PBX1: variants seen among roughly 807,000 people sequenced by gnomAD.
PBX1 encodes pre-B-cell leukemia transcription factor 1.
Under a neutral mutation model 53.4 loss-of-function variants are expected in PBX1, and 6 were observed. That is an observed-to-expected ratio of 0.11 (90% CI 0.06 to 0.22). The LOEUF is 0.22. Ranked by LOEUF, PBX1 falls within the 10% of genes least tolerant of loss-of-function variation. PBX1 has a pLI of 1.00. For missense variants in PBX1, 251 were observed against 551.4 expected (o/e 0.46, Z 5.46); for synonymous variants, 204 against 212.3 (o/e 0.96, Z 0.34).
In PBX1 at chr1:164,846,645, C is replaced by G; in HGVS notation, c.1262C>G (p.Pro421Arg). 6.2e-7 allele frequency: 1 copy of G among 1,614,108 alleles called. No homozygotes were observed. Among genetic ancestry groups the G allele is most frequent in the Non-Finnish European group, 8.5e-7 (1 of 1,179,990 alleles). ...TCAGTGACCTCCCCTACAGAAGGCC[C>G]TGGCAGTGTTCACTCTGATACCTCC... is the stretch of plus-strand genomic sequence containing the variant. ...PSSVTSPTEG[P>R]GSVHSDTSN Residue 421 changes from proline (P) to arginine (R), a missense_variant, in exon 9 of 9, where the codon CCT (proline) becomes CGT (arginine). Coordinates refer to ENST00000420696, the MANE Select transcript of PBX1 (RefSeq NM_002585.4).
chr1:164,619,366 A>G lies in PBX1; in HGVS notation c.265+56055A>G, dbSNP rs549407556. On this transcript the variant is annotated intron_variant, in intron 2 of 8. Coordinates refer to ENST00000420696, the MANE Select transcript of PBX1 (RefSeq NM_002585.4). Reference sequence around the variant, plus strand: ...GACCATTAAGTGAAGGCTAATTGGAATCTGCCCCAAACTGCACTTTGTTGG... The same window carrying G: ...GACCATTAAGTGAAGGCTAATTGGAGTCTGCCCCAAACTGCACTTTGTTGG... 2.6e-5 allele frequency among the ~76,000 whole-genome samples: 4 copies of G among 152,246 alleles called. No individual in the cohort carries two copies. In the South Asian group the frequency reaches 6.2e-4, roughly 24 times the overall value.
intron 2 of PBX1, among the ~76,000 whole-genome samples, chr1:164,603,664 C>T (rs1184738368): frequency 1.3e-5 from 2 of 152,046 alleles, no homozygotes; most frequent in African/African-American, 4.8e-5. Flanking sequence ...GTGTGATTAC[C>T]TTTACCAAAC....
chr1:164,599,071 ATTT>A (rs375145672), intron 2 of PBX1, among the ~76,000 whole-genome samples: 4,491 of 118,826 alleles, frequency 0.038, 89 homozygotes, highest in South Asian at 0.055. Context: ...TTTCCTCCTG[ATTT>A]TTTTTTTTTT....
At chr1:164,716,303 A>G (rs910330253) in intron 2 of PBX1, among the ~76,000 whole-genome samples, 3 of 152,130 alleles carry the variant, frequency 2.0e-5, no homozygotes, top group Non-Finnish European at 4.4e-5. Context: ...TTAAGACTCT[A>G]GTGAGTTAAA....
intron 2 of PBX1, among the ~76,000 whole-genome samples, chr1:164,571,041 C>T (rs924478020): frequency 2.0e-5 from 3 of 152,206 alleles, no homozygotes; most frequent in Admixed American, 2.0e-4. Context: ...CCTTCACCCA[C>T]TGTTTGATAG....
intron 2 of PBX1, among the ~76,000 whole-genome samples, chr1:164,638,997 G>A (rs1173612076): frequency 6.6e-6 from 1 of 152,202 alleles, no homozygotes; most frequent in Admixed American, 6.5e-5. Flanking sequence ...GAGTTGAATA[G>A]TAGCCAGAGT....
intron 2 of PBX1, among the ~76,000 whole-genome samples, chr1:164,742,691 C>T (rs943451347): frequency 9.2e-5 from 14 of 152,244 alleles, no homozygotes; most frequent in African/African-American, 3.4e-4. Flanking sequence ...TAAAAACAGT[C>T]CATTTTTAGA....
chr1:164,758,307 A>G (rs1666631985), intron 2 of PBX1, among the ~76,000 whole-genome samples: 1 of 152,196 alleles, frequency 6.6e-6, no homozygotes, highest in Admixed American at 6.5e-5. Context: ...GCTTAAATAT[A>G]TCAGTGCATG....
At chr1:164,588,313 G>A (rs746618087) in intron 2 of PBX1, among the ~76,000 whole-genome samples, 17 of 152,002 alleles carry the variant, frequency 1.1e-4, no homozygotes, top group Admixed American at 2.0e-4. Flanking sequence ...ACTGGCTTTT[G>A]CTGTGACTTC....
chr1:164,580,439 C>T (rs764926135), intron 2 of PBX1, among the ~76,000 whole-genome samples: 13 of 149,652 alleles, frequency 8.7e-5, no homozygotes, highest in East Asian at 2.0e-4. Context: ...CCACCATGCC[C>T]GGCTAATTTT....
chr1:164,806,980 T>C (rs1240467884), intron 4 of PBX1, among the ~76,000 whole-genome samples: 1 of 152,156 alleles, frequency 6.6e-6, no homozygotes, highest in Non-Finnish European at 1.5e-5. Context: ...AAGATGGGGC[T>C]GGGCGCGGTG....
chr1:164,649,828 C>A (rs977056652), intron 2 of PBX1, among the ~76,000 whole-genome samples: 9 of 152,158 alleles, frequency 5.9e-5, no homozygotes, highest in African/African-American at 2.2e-4. Context: ...CTTATGAATT[C>A]CTCTTAATGC....
chr1:164,740,601 C>G (rs373085136), intron 2 of PBX1, among the ~76,000 whole-genome samples: 1 of 152,148 alleles, frequency 6.6e-6, no homozygotes, highest in Non-Finnish European at 1.5e-5. Context: ...AGTATATTTA[C>G]TGAATACCTG....
chr1:164,882,225 C>A (rs1672677034), intron 2 of PBX1, among the ~76,000 whole-genome samples: 1 of 152,004 alleles, frequency 6.6e-6, no homozygotes, highest in Non-Finnish European at 1.5e-5. Context: ...AGGCCTCTAA[C>A]TCTATGCTGC....
intron 2 of PBX1, among the ~76,000 whole-genome samples, chr1:164,690,398 C>T (rs1473084919): frequency 1.3e-5 from 2 of 152,198 alleles, no homozygotes; most frequent in Non-Finnish European, 2.9e-5. Context: ...TGAAAAGGGG[C>T]TGGAAAGGTC....
chr1:164,700,163 G>T (rs1333849937), intron 2 of PBX1, among the ~76,000 whole-genome samples: 1 of 152,148 alleles, frequency 6.6e-6, no homozygotes, highest in Non-Finnish European at 1.5e-5. Flanking sequence ...AGGGCTTTTC[G>T]CTGGGTCCCT....
chr1:164,701,613 C>G (rs1476699831), intron 2 of PBX1, among the ~76,000 whole-genome samples: 1 of 152,212 alleles, frequency 6.6e-6, no homozygotes, highest in Non-Finnish European at 1.5e-5. Flanking sequence ...TTCCTTCACA[C>G]TCTCTCCCAC....
intron 2 of PBX1, among the ~76,000 whole-genome samples, chr1:164,750,439 TA>T (rs1438281159): frequency 2.0e-5 from 3 of 152,136 alleles, no homozygotes; most frequent in African/African-American, 7.2e-5. Context: ...ACTAGTTTCT[TA>T]GCAACTAAAA....
chr1:164,734,320 C>G (rs540186945), intron 2 of PBX1, among the ~76,000 whole-genome samples: 1 of 152,260 alleles, frequency 6.6e-6, no homozygotes, highest in South Asian at 2.1e-4. Flanking sequence ...CTGTGAATAA[C>G]TCATTTGCAT....
Sources: gnomAD v4.1 joint callset for allele counts (sites outside exome capture counted in the v4.1 genomes callset) on GRCh38, gnomAD v4.1.1 for gene constraint, MANE v1.5 for transcripts, NCBI Gene and HGNC (gene_info 2026-07-23, HGNC 2026-07-21) for gene names.